The following DAPK2 variants were observed in gnomAD, a reference collection of about 807,000 sequenced individuals.
The protein encoded by DAPK2 is death associated protein kinase 2.
DAPK2 carries 35 observed loss-of-function variants against 44.1 expected under a neutral mutation model. That is an observed-to-expected ratio of 0.79 (90% CI 0.61 to 1.05). The LOEUF (loss-of-function observed/expected upper bound fraction) is 1.05, where lower values mean the gene tolerates loss of function less well. Ranked by LOEUF, DAPK2 falls within the 50% of genes least tolerant of loss-of-function variation. The pLI, the probability that DAPK2 is intolerant of heterozygous loss-of-function variation, is 0.00. For missense variants in DAPK2, 453 were observed against 483.2 expected (o/e 0.94, Z 0.59); for synonymous variants, 174 against 182.6 (o/e 0.95, Z 0.38).
At chr15:63,996,751 G>A (rs1230773465) in intron 1 of DAPK2, among the ~76,000 whole-genome samples, 3 of 152,192 alleles carry the variant, frequency 2.0e-5, no homozygotes, top group Admixed American at 2.0e-4. Flanking sequence ...GCTAAAGGGA[G>A]TCCCAAAGTG....
chr15:64,021,955 A>C (rs1010111441), intron 1 of DAPK2, among the ~76,000 whole-genome samples: 1 of 152,204 alleles, frequency 6.6e-6, no homozygotes, highest in East Asian at 1.9e-4. Flanking sequence ...AATGAGACTA[A>C]GTTGGTCACA....
At chr15:63,968,840 C>A (rs2078128820) in intron 3 of DAPK2, among the ~76,000 whole-genome samples, 1 of 152,208 alleles carries the variant, frequency 6.6e-6, no homozygotes, top group African/African-American at 2.4e-5. Flanking sequence ...TCATTGGTGC[C>A]TGTTGGGCTC....
intron 3 of DAPK2, among the ~76,000 whole-genome samples, chr15:63,942,634 G>T (rs553694198): frequency 2.0e-5 from 3 of 151,602 alleles, no homozygotes; most frequent in African/African-American, 7.3e-5. Flanking sequence ...TCCCCCGCCC[G>T]AGTCTCATCT....
At chr15:63,974,449 AG>A (rs1274743203) in intron 2 of DAPK2, among the ~76,000 whole-genome samples, 1 of 152,208 alleles carries the variant, frequency 6.6e-6, no homozygotes, top group Non-Finnish European at 1.5e-5. Flanking sequence ...AACAACTTGA[AG>A]GTGAGGATAG....
intron 3 of DAPK2, among the ~76,000 whole-genome samples, chr15:63,945,272 C>A (rs1168763349): frequency 6.6e-6 from 1 of 152,240 alleles, no homozygotes; most frequent in Non-Finnish European, 1.5e-5. Flanking sequence ...CTGTCTCTCA[C>A]AGGTGATGCC....
In DAPK2 at chr15:63,939,763, C is replaced by T. The variant is rs143282424; in HGVS notation, c.454-402G>A. Among the ~76,000 whole-genome samples the T allele has an allele frequency of 2.2e-4, 33 of 152,302 alleles. No individual in the cohort carries two copies. Among genetic ancestry groups the T allele is most frequent in the East Asian group, 1.3e-3 (7 of 5,192 alleles). ...CACTGCTGTGTGGGTGTGAAAGGGACGGGGACATCCCAGCTTAGCCTCTGT... is the reference window on the plus strand; with the variant it reads ...CACTGCTGTGTGGGTGTGAAAGGGATGGGGACATCCCAGCTTAGCCTCTGT... On this transcript the variant is annotated intron_variant, in intron 3 of 10. Transcript: ENST00000261891. This position sits in a 1 kb window ranked among gnomAD's most constrained non-coding sequence, Gnocchi z 4.3.
At chr15:63,997,912 C>G (rs1433646184) in intron 1 of DAPK2, among the ~76,000 whole-genome samples, 1 of 152,058 alleles carries the variant, frequency 6.6e-6, no homozygotes, top group Admixed American at 6.5e-5. Context: ...AAAACCGCCT[C>G]ATAAGCTATG....
intron 7 of DAPK2, 70 bp from the exon 9 acceptor site, chr15:63,924,931 A>C: frequency 1.3e-6 from 2 of 1,549,826 alleles, no homozygotes; most frequent in Non-Finnish European, 1.8e-6. Context: ...CTCCGTTCTC[A>C]CTCTTTTTAG....
At chr15:63,928,524 C>T (rs2079388204) in intron 6 of DAPK2, 1 of 152,164 alleles carries the variant, frequency 6.6e-6, no homozygotes, top group African/African-American at 2.4e-5. Context: ...ACTCACTAGC[C>T]CACTGTGCAT....
At chr15:64,000,621 A>G (rs931388163) in intron 1 of DAPK2, among the ~76,000 whole-genome samples, 4 of 152,080 alleles carry the variant, frequency 2.6e-5, no homozygotes, top group African/African-American at 9.7e-5. Flanking sequence ...ATGCAGGGGG[A>G]AAAAAATGAA....
intron 4 of DAPK2, among the ~76,000 whole-genome samples, chr15:63,936,979 CAAAAAAAA>C (rs56052031): frequency 7.7e-6 from 1 of 129,814 alleles, no homozygotes. Context: ...GACCCTGTCT[CAAAAAAAA>C]AAAAAAAAAA....
intron 4 of DAPK2, among the ~76,000 whole-genome samples, chr15:63,932,290 AC>A (rs1231413384): frequency 6.6e-6 from 1 of 151,684 alleles, no homozygotes; most frequent in Non-Finnish European, 1.5e-5. Context: ...ACATGGAGAA[AC>A]CCTGTCTCAA....
chr15:64,003,670 A>G (rs1318124085), intron 1 of DAPK2, among the ~76,000 whole-genome samples: 1 of 152,102 alleles, frequency 6.6e-6, no homozygotes. Flanking sequence ...CAGTGGCGCA[A>G]TCTCAGCTCA....
rs2078821230 is a variant in DAPK2, at chr15:63,912,335, C to T, written c.859-138G>A. ...GCATCTCCCCGCCAGGTGGGGCACA[C>T]CGTGGGAGCATCACAGTCAGGGCAA... is the stretch of plus-strand genomic sequence containing the variant. On this transcript the variant is annotated intron_variant, in intron 8 of 10. Transcript: ENST00000261891. The surrounding 1 kb of genome is among the most constrained non-coding windows in gnomAD (Gnocchi z 4.4). 2 of 753,952 alleles carry T rather than the reference C, an allele frequency of 2.7e-6. No homozygotes were observed. Among genetic ancestry groups the T allele is most frequent in the Admixed American group, 2.2e-5 (1 of 46,264 alleles). 46.7% of individuals were successfully genotyped at this position (753,952 alleles called of 1,614,324 possible).
At chr15:63,967,226 G>T (rs1173596670) in intron 3 of DAPK2, among the ~76,000 whole-genome samples, 3 of 152,000 alleles carry the variant, frequency 2.0e-5, no homozygotes, top group Non-Finnish European at 2.9e-5. Flanking sequence ...ATAAAACCAG[G>T]TTCTGTGACC....
chr15:63,965,653 T>A (rs2078034585), intron 3 of DAPK2, among the ~76,000 whole-genome samples: 1 of 152,158 alleles, frequency 6.6e-6, no homozygotes, highest in Non-Finnish European at 1.5e-5. Flanking sequence ...GCCTAGCTGG[T>A]ATCTAAGCCA....
At position 63,929,705 on chromosome 15, in the gene DAPK2, A is replaced by G. The variant is rs755773220; in HGVS notation, c.633-128T>C. On this transcript the variant is annotated intron_variant, in intron 5 of 10. Coordinates refer to ENST00000261891, the Ensembl canonical transcript of DAPK2. The stretch of plus-strand genomic sequence containing the variant: ...CACAGCAGACCCTGGATGCCGTCTC[A>G]TGCTCCACACCCATCTCCATCCTGC... 5.7e-6 allele frequency: 6 copies of G among 1,058,750 alleles called. No individual in the cohort carries two copies. In the Admixed American group the frequency reaches 7.7e-5, roughly 14 times the overall value. The allele number at this position is 1,058,750 out of a possible 1,614,324, so 65.6% of individuals were successfully genotyped here.
intron 1 of DAPK2, among the ~76,000 whole-genome samples, chr15:64,007,252 A>G (rs2079258754): frequency 6.6e-6 from 1 of 151,964 alleles, no homozygotes; most frequent in Non-Finnish European, 1.5e-5. Context: ...GGCACGCACC[A>G]CCATGCCCAG....
intron 3 of DAPK2, among the ~76,000 whole-genome samples, chr15:63,954,787 A>G (rs767063264): frequency 1.8e-4 from 28 of 152,294 alleles, no homozygotes; most frequent in Admixed American, 3.9e-4. Flanking sequence ...CCATGAACAT[A>G]GAATATCTTT....
Sources: allele counts gnomAD v4.1 joint callset (sites outside exome capture counted in the v4.1 genomes callset), GRCh38; gene constraint gnomAD v4.1.1; non-coding constraint Gnocchi (gnomAD v3.1); transcripts MANE v1.5; gene names NCBI Gene and HGNC (gene_info 2026-07-23, HGNC 2026-07-21).